The following PRSS23 variants were observed in gnomAD, a reference collection of about 807,000 sequenced individuals.
PRSS23 encodes protease, serine 23.
Under a neutral mutation model 34.7 loss-of-function variants are expected in PRSS23, and 25 were observed. That is an observed-to-expected ratio of 0.72 (90% CI 0.53 to 1.01). The LOEUF (loss-of-function observed/expected upper bound fraction) is 1.01. Ranked by LOEUF, PRSS23 falls within the 50% of genes least tolerant of loss-of-function variation. The probability of loss-of-function intolerance (pLI) is 0.00; values close to 1 mark genes in which losing one functional copy is unlikely to be tolerated. For synonymous variants in PRSS23, 176 were observed against 186.6 expected (o/e 0.94, Z 0.46); for missense variants, 445 against 475.6 (o/e 0.94, Z 0.60).
At chr11:86,816,725 C>T (rs142782968) in intron 1 of PRSS23, among the ~76,000 whole-genome samples, 5 of 152,264 alleles carry the variant, frequency 3.3e-5, no homozygotes, top group Admixed American at 6.5e-5. Flanking sequence ...CTGAACACAG[C>T]GTTGGAATAG....
chr11:86,823,027 C>T (rs1948264632), intron 1 of PRSS23, among the ~76,000 whole-genome samples: 1 of 152,168 alleles, frequency 6.6e-6, no homozygotes, highest in Non-Finnish European at 1.5e-5. Context: ...TCACTTTCTG[C>T]CTCCAGGGAT....
intron 2 of PRSS23, among the ~76,000 whole-genome samples, chr11:86,907,471 T>G (rs1249342753): frequency 1.5e-5 from 2 of 132,134 alleles, no homozygotes; most frequent in Non-Finnish European, 3.6e-5. Context: ...CTTAACAATT[T>G]TTTGTGTTTT....
chr11:86,873,267 T>TACACAC (rs1439589458), intron 2 of PRSS23, among the ~76,000 whole-genome samples: 53 of 131,890 alleles, frequency 4.0e-4, no homozygotes, highest in African/African-American at 6.9e-4. Context: ...TATATATATA[T>TACACAC]ACACACACAT....
At chr11:86,820,804 G>A (rs998443771) in intron 1 of PRSS23, among the ~76,000 whole-genome samples, 2 of 152,026 alleles carry the variant, frequency 1.3e-5, no homozygotes, top group Non-Finnish European at 2.9e-5. Flanking sequence ...TCAAGCTCTC[G>A]CTCAATTTTT....
intron 2 of PRSS23, among the ~76,000 whole-genome samples, chr11:86,853,747 C>T (rs1465150337): frequency 6.6e-6 from 1 of 152,152 alleles, no homozygotes; most frequent in Non-Finnish European, 1.5e-5. Flanking sequence ...GAGGTACCCA[C>T]GAATGTAACT....
chr11:86,909,351 C>T (rs1221098979), intron 2 of PRSS23: 9 of 152,208 alleles, frequency 5.9e-5, no homozygotes, highest in Admixed American at 5.9e-4. Context: ...GATAGCACTC[C>T]CCTGAACCCA....
At chr11:86,952,656 T>C (rs2135042368) in exon 3 of PRSS23, 2 of 590,142 alleles carry the variant, frequency 3.4e-6, no homozygotes, top group South Asian at 2.1e-5. Flanking sequence ...ATCACTTACA[T>C]ACTTTTCTTA....
chr11:86,849,956 G>A (rs2134916929), intron 2 of PRSS23, among the ~76,000 whole-genome samples: 1 of 152,260 alleles, frequency 6.6e-6, no homozygotes, highest in South Asian at 2.1e-4. Flanking sequence ...AGAGAAGAAT[G>A]TTGCTATTTC....
At chr11:86,943,954 TG>T (rs1949223462) in intron 2 of PRSS23, among the ~76,000 whole-genome samples, 1 of 152,066 alleles carries the variant, frequency 6.6e-6, no homozygotes, top group African/African-American at 2.4e-5. Context: ...TTGGCCAGGC[TG>T]GTCTCAAACT....
upstream of PRSS23, among the ~76,000 whole-genome samples, chr11:86,798,817 C>T (rs561598006): frequency 3.3e-5 from 5 of 152,258 alleles, no homozygotes; most frequent in South Asian, 8.3e-4. Context: ...CTCAGCCTCC[C>T]AAATAGCTGA....
chr11:86,795,961 G>T (rs533318119), upstream of PRSS23, among the ~76,000 whole-genome samples: 12 of 152,306 alleles, frequency 7.9e-5, no homozygotes, highest in African/African-American at 2.9e-4. Context: ...AGTTGAGGTT[G>T]AGTTTAGAGT....
chr11:86,811,040 C>G lies in PRSS23; in HGVS notation c.*2245C>G, dbSNP rs1948172995. Reference sequence around the variant, plus strand: ...TTTCCCAAAGTGTGCTCCTTAAACACTCATGCCTTATGATTTTCTACCAAA... The same window carrying G: ...TTTCCCAAAGTGTGCTCCTTAAACAGTCATGCCTTATGATTTTCTACCAAA... On this transcript the variant is annotated 3_prime_UTR_variant, in exon 2 of 2. Transcript: ENST00000280258. 1 of 166,842 alleles carries G rather than the reference C, an allele frequency of 6.0e-6. No individual in the cohort carries two copies. Among genetic ancestry groups the G allele is most frequent in the African/African-American group, 2.4e-5 (1 of 41,460 alleles). 10.3% of individuals were successfully genotyped at this position (166,842 alleles called of 1,614,324 possible). A position where few individuals can be genotyped will look rare whatever the true frequency, so the allele number is the denominator to read the frequency against.
chr11:86,881,465 TA>T (rs755767471), intron 2 of PRSS23, among the ~76,000 whole-genome samples: 7 of 152,252 alleles, frequency 4.6e-5, no homozygotes, highest in Non-Finnish European at 7.4e-5. Context: ...TCTTGGTGTA[TA>T]TTTTTTTTAA....
At chr11:86,901,302 C>T (rs111753070) in intron 2 of PRSS23, among the ~76,000 whole-genome samples, 21 of 152,126 alleles carry the variant, frequency 1.4e-4, no homozygotes, top group African/African-American at 3.4e-4. Flanking sequence ...TACCAAGAAC[C>T]GAAAACAGCT....
Position 86,800,627 on chromosome 11 carries a change from G to A in PRSS23, c.-38G>A, listed in dbSNP as rs1948023221. Reference sequence around the variant, plus strand: ...CTGTCTGAGCGGCGCAGCGAGCCGCGGCCCGGGCGGGCTGCTCGGCGCGGG... The same window carrying A: ...CTGTCTGAGCGGCGCAGCGAGCCGCAGCCCGGGCGGGCTGCTCGGCGCGGG... On this transcript the variant is annotated 5_prime_UTR_variant, in exon 1 of 2. Transcript: ENST00000280258. The A allele has an allele frequency of 2.0e-6, 2 of 985,152 alleles. No individual in the cohort carries two copies. The allele number at this position is 985,152 out of a possible 1,614,324, so 61.0% of individuals were successfully genotyped here.
At chr11:86,794,696 T>C (rs78831005) in intron 1 of PRSS23, among the ~76,000 whole-genome samples, 2,256 of 152,324 alleles carry the variant, frequency 0.015, 62 homozygotes, top group African/African-American at 0.051. Context: ...TAGAAAGTTT[T>C]GAATGTAATA....
At chr11:86,879,774 G>C (rs1205831995) in intron 2 of PRSS23, among the ~76,000 whole-genome samples, 2 of 119,110 alleles carry the variant, frequency 1.7e-5, no homozygotes, top group African/African-American at 6.5e-5. Context: ...AGGGAGGTGG[G>C]GGGGTCAGCC....
intron 1 of PRSS23, among the ~76,000 whole-genome samples, chr11:86,818,072 G>A (rs1031231842): frequency 2.0e-5 from 3 of 152,200 alleles, no homozygotes; most frequent in African/African-American, 7.2e-5. Flanking sequence ...GATCCTTGAT[G>A]AAGAGGCTTA....
chr11:86,842,905 A>T (rs949926593), intron 2 of PRSS23, among the ~76,000 whole-genome samples: 15 of 152,338 alleles, frequency 9.8e-5, no homozygotes, highest in African/African-American at 3.4e-4. Context: ...TTCTTCACAG[A>T]ATTGGAAAAA....
Sources: gnomAD v4.1 joint callset for allele counts (sites outside exome capture counted in the v4.1 genomes callset) on GRCh38, gnomAD v4.1.1 for gene constraint, MANE v1.5 for transcripts, NCBI Gene and HGNC (gene_info 2026-07-23, HGNC 2026-07-21) for gene names.